Variants in ABAT observed in about 807,000 individuals in gnomAD.
The protein encoded by ABAT is 4-aminobutyrate aminotransferase, mitochondrial.
In ABAT, 45 loss-of-function variants were observed where a neutral mutation model predicts 64.6. The ratio of observed to expected loss-of-function variants is 0.70; its 90% CI spans 0.55 to 0.89. ABAT has a LOEUF of 0.89. Among genes scored for constraint, ABAT ranks in the 40% least tolerant of loss-of-function variants. The pLI is 0.00. For synonymous variants in ABAT, 297 were observed against 250.5 expected (o/e 1.19, Z -1.75); for missense variants, 633 against 658.4 (o/e 0.96, Z 0.42).
At chr16:8,761,334 C>G (rs539985648) in intron 6 of ABAT, among the ~76,000 whole-genome samples, 1 of 152,242 alleles carries the variant, frequency 6.6e-6, no homozygotes, top group South Asian at 2.1e-4. Context: ...AAACCGTCCA[C>G]CAAACTGTGC....
At chr16:8,677,493 A>T (rs903800981) in intron 1 of ABAT, among the ~76,000 whole-genome samples, 1 of 152,120 alleles carries the variant, frequency 6.6e-6, no homozygotes, top group African/African-American at 2.4e-5. Context: ...TCTTTGAATG[A>T]GGTTTGTTGG....
In ABAT at chr16:8,776,595, GCAGT is replaced by G. The variant is rs1596472735; in HGVS notation, c.1269+106_1269+109del. On this transcript the variant is annotated intron_variant, in intron 14 of 15. Transcript: ENST00000268251. This position sits in a 1 kb window ranked among gnomAD's most constrained non-coding sequence, Gnocchi z 4.4. ...GCATGGTGTTGTGCCTGCTGTTCCA[GCAGT>G]TCGTAACGGGCTGTGCTGCTCCTAG... is the stretch of plus-strand genomic sequence containing the variant. 2 of 1,268,564 alleles carry G rather than the reference GCAGT, an allele frequency of 1.6e-6. No homozygotes were observed. The highest frequency in any genetic ancestry group is 5.0e-5 in the East Asian group (2 of 39,634). The allele number at this position is 1,268,564 out of a possible 1,614,324, so 78.6% of individuals were successfully genotyped here. A position where few individuals can be genotyped will look rare whatever the true frequency, so the allele number is the denominator to read the frequency against.
chr16:8,717,746 G>A (rs184079668), intron 1 of ABAT, among the ~76,000 whole-genome samples: 10 of 152,194 alleles, frequency 6.6e-5, no homozygotes, highest in Admixed American at 3.3e-4. Context: ...TTGAGGCAAC[G>A]TATTGGGTAA....
intron 1 of ABAT, among the ~76,000 whole-genome samples, chr16:8,703,424 C>A (rs2057870464): frequency 6.6e-6 from 1 of 151,950 alleles, no homozygotes; most frequent in African/African-American, 2.4e-5. Context: ...CCATTGCTCT[C>A]CAGCCTGGGT....
chr16:8,698,480 C>T (rs1158366872), intron 1 of ABAT, among the ~76,000 whole-genome samples: 1 of 152,034 alleles, frequency 6.6e-6, no homozygotes, highest in Non-Finnish European at 1.5e-5. Flanking sequence ...ATTACAGGCA[C>T]CTGCCGCCAC....
rs575927891 is a variant in ABAT at position 8,733,962 on chromosome 16, C to G, written c.-41-1737C>G. On this transcript the variant is annotated intron_variant, in intron 1 of 15. Transcript: ENST00000268251. Reference sequence around the variant, plus strand: ...GTCTCATCCATGTTGCAGCATATAACAGGATTTCCTCCTTTTTTAAGGCTG... The same window carrying G: ...GTCTCATCCATGTTGCAGCATATAAGAGGATTTCCTCCTTTTTTAAGGCTG... Among the ~76,000 whole-genome samples, 7 of 152,340 alleles carry G rather than the reference C, an allele frequency of 4.6e-5. No individual in the cohort carries two copies. The South Asian group carries it at 1.2e-3, about 27-fold the overall frequency.
chr16:8,757,225 T>C, intron 5 of ABAT: 1 of 449,238 alleles, frequency 2.2e-6, no homozygotes. Context: ...TGGAGTGCAG[T>C]GGCGTGATCT....
chr16:8,674,941 C>A (rs78905502), intron 1 of ABAT, among the ~76,000 whole-genome samples: 4,848 of 152,182 alleles, frequency 0.032, 268 homozygotes, highest in African/African-American at 0.11. Context: ...CTGGCTCCAG[C>A]TCTAGACAGA....
chr16:8,700,736 C>T (rs1416270687), intron 1 of ABAT, among the ~76,000 whole-genome samples: 1 of 152,094 alleles, frequency 6.6e-6, no homozygotes, highest in Non-Finnish European at 1.5e-5. Context: ...GTTGGGACTA[C>T]AGGTGTGCAC....
At chr16:8,728,253 G>C (rs946357186) in intron 1 of ABAT, among the ~76,000 whole-genome samples, 2 of 152,192 alleles carry the variant, frequency 1.3e-5, no homozygotes, top group African/African-American at 4.8e-5. Context: ...ATCAGATTTT[G>C]TTATAAGGTC....
At chr16:8,682,257 T>A (rs1180479735) in intron 1 of ABAT, among the ~76,000 whole-genome samples, 1 of 151,276 alleles carries the variant, frequency 6.6e-6, no homozygotes, top group Non-Finnish European at 1.5e-5. Flanking sequence ...ATTTGTTGGA[T>A]GTTGGATGGC....
Position 8,714,884 on chromosome 16 carries a change from T to C in ABAT, c.-41-20815T>C, listed in dbSNP as rs140241106. 5.0e-3 allele frequency: 759 copies of C among 152,764 alleles called. 3 individuals carry two copies. Among genetic ancestry groups the C allele is most frequent in the Middle Eastern group, 0.01 (3 of 294 alleles). 9.5% of individuals were successfully genotyped at this position (152,764 alleles called of 1,614,324 possible). Reference sequence around the variant, plus strand: ...CGCTCACCCTCAGACACATTGCTGCTGCCTGCATTTCCTCCGGGCTGCCAT... The same window carrying C: ...CGCTCACCCTCAGACACATTGCTGCCGCCTGCATTTCCTCCGGGCTGCCAT... On this transcript the variant is annotated intron_variant, in intron 1 of 15. Coordinates refer to ENST00000268251, the MANE Select transcript of ABAT (RefSeq NM_020686.6).
chr16:8,762,942 A>G (rs747515562), intron 6 of ABAT, among the ~76,000 whole-genome samples: 1 of 151,866 alleles, frequency 6.6e-6, no homozygotes, highest in East Asian at 1.9e-4. Context: ...CCCTGTCTCT[A>G]TAAAAAAATA....
At chr16:8,735,048 A>AG (rs1489791698) in intron 1 of ABAT, among the ~76,000 whole-genome samples, 2 of 150,526 alleles carry the variant, frequency 1.3e-5, no homozygotes, top group Non-Finnish European at 3.0e-5. Context: ...TCTCTACTTA[A>AG]AAAAAAAAAT....
At chr16:8,775,862 C>T (rs558827536) in intron 13 of ABAT, among the ~76,000 whole-genome samples, 16 of 152,274 alleles carry the variant, frequency 1.1e-4, no homozygotes, top group South Asian at 8.3e-4. Flanking sequence ...TTCAGTTAGC[C>T]GCATGGCCAC....
At chr16:8,761,277 G>T (rs913274523) in intron 6 of ABAT, among the ~76,000 whole-genome samples, 3 of 149,088 alleles carry the variant, frequency 2.0e-5, no homozygotes, top group Non-Finnish European at 4.4e-5. Context: ...CTTTCTGCCA[G>T]CAACCTCTCC....
chr16:8,729,319 A>AAAAACAAAAACT (rs56066626), intron 1 of ABAT, among the ~76,000 whole-genome samples: 30 of 151,972 alleles, frequency 2.0e-4, no homozygotes, highest in African/African-American at 7.2e-4. Flanking sequence ...AAACAAAAAC[A>AAAAACAAAAACT]GCTAGGAGTT....
intron 12 of ABAT, among the ~76,000 whole-genome samples, chr16:8,773,129 C>G (rs1434796565): frequency 7.3e-6 from 1 of 137,192 alleles, no homozygotes; most frequent in Non-Finnish European, 1.5e-5. Context: ...CACACACACA[C>G]ACACACACAC....
At chr16:8,760,840 T>G (rs1324492450) in intron 6 of ABAT, among the ~76,000 whole-genome samples, 3 of 152,118 alleles carry the variant, frequency 2.0e-5, no homozygotes, top group Non-Finnish European at 2.9e-5. Flanking sequence ...TCTGGGAGGC[T>G]GAGGCAGAAG....
Sources: gnomAD v4.1 joint callset for allele counts (sites outside exome capture counted in the v4.1 genomes callset) on GRCh38, gnomAD v4.1.1 for gene constraint, Gnocchi (gnomAD v3.1) non-coding constraint, MANE v1.5 for transcripts, NCBI Gene and HGNC (gene_info 2026-07-23, HGNC 2026-07-21) for gene names.